SGCD: variants seen among roughly 807,000 people sequenced by gnomAD.
SGCD encodes delta-sarcoglycan.
SGCD carries 18 observed loss-of-function variants against 36.6 expected under a neutral mutation model. The ratio of observed to expected loss-of-function variants is 0.49; its 90% CI spans 0.34 to 0.73. The LOEUF (loss-of-function observed/expected upper bound fraction) is 0.73. Ranked by LOEUF, SGCD falls within the 30% of genes least tolerant of loss-of-function variation. The pLI is 0.01. For missense variants in SGCD, 387 were observed against 346.7 expected (o/e 1.12, Z -0.92); for synonymous variants, 133 against 130.6 (o/e 1.02, Z -0.12).
intron 3 of SGCD, among the ~76,000 whole-genome samples, chr5:156,468,770 T>A (rs530839287): frequency 5.9e-5 from 9 of 152,256 alleles, no homozygotes; most frequent in Admixed American, 5.9e-4. Flanking sequence ...GATGGGTGGA[T>A]CACTTGAGGT....
intron 3 of SGCD, among the ~76,000 whole-genome samples, chr5:156,467,507 T>A (rs759533783): frequency 5.9e-5 from 9 of 152,178 alleles, no homozygotes; most frequent in Non-Finnish European, 2.9e-5. Context: ...AAAGCACTAA[T>A]AAATGCAAAC....
At chr5:155,876,404 G>A (rs1755768729) in intron 1 of SGCD, among the ~76,000 whole-genome samples, 1 of 151,808 alleles carries the variant, frequency 6.6e-6, no homozygotes, top group South Asian at 2.1e-4. Context: ...AAAAATAAAT[G>A]CAAAACACAT....
intron 3 of SGCD, among the ~76,000 whole-genome samples, chr5:156,426,845 T>A (rs1312036866): frequency 6.6e-6 from 1 of 152,120 alleles, no homozygotes; most frequent in African/African-American, 2.4e-5. Context: ...TGAAAATCAG[T>A]TGACTGTAAG....
intron 3 of SGCD, among the ~76,000 whole-genome samples, chr5:156,279,624 G>C (rs1348073995): frequency 6.6e-6 from 1 of 152,112 alleles, no homozygotes; most frequent in Non-Finnish European, 1.5e-5. Flanking sequence ...TTTTTTGGGG[G>C]AACAGTGGGT....
In SGCD at chr5:156,709,846, C is replaced by T. The variant is rs556108320; in HGVS notation, c.576-47735C>T. Among the ~76,000 whole-genome samples, 284 of 149,524 alleles carry T rather than the reference C, an allele frequency of 1.9e-3. 2 individuals carry two copies. The highest frequency in any genetic ancestry group is 6.5e-3 in the African/African-American group (262 of 40,458). On this transcript the variant is annotated intron_variant, in intron 7 of 8. Coordinates refer to ENST00000337851, the MANE Select transcript of SGCD (RefSeq NM_000337.6). The stretch of plus-strand genomic sequence containing the variant: ...CCTGCCGCCCCCTCCCCCCCGACGC[C>T]GCCACCCTCCCGCCCCCTACTCTGG...
At chr5:156,068,585 G>C (rs1350655573) in intron 1 of SGCD, among the ~76,000 whole-genome samples, 1 of 151,818 alleles carries the variant, frequency 6.6e-6, no homozygotes, top group Non-Finnish European at 1.5e-5. Flanking sequence ...GTATACATAT[G>C]TGTGCATGTG....
intron 3 of SGCD, among the ~76,000 whole-genome samples, chr5:156,245,377 G>A (rs1017923677): frequency 2.6e-5 from 4 of 152,188 alleles, no homozygotes; most frequent in East Asian, 1.9e-4. Context: ...AATGATGAAC[G>A]ATAGAATTTG....
the SGCD span, among the ~76,000 whole-genome samples, chr5:155,811,228 A>G: frequency 6.6e-6 from 1 of 151,994 alleles, no homozygotes; most frequent in African/African-American, 2.4e-5. Flanking sequence ...TTGTCACCCA[A>G]CTGATACTGG....
chr5:156,148,253 A>G (rs1010140488), intron 3 of SGCD, among the ~76,000 whole-genome samples: 3 of 152,214 alleles, frequency 2.0e-5, no homozygotes, highest in Non-Finnish European at 4.4e-5. Flanking sequence ...CAATAGATAT[A>G]TTACCCAAAT....
chr5:155,875,185 T>C (rs1455231664), intron 1 of SGCD, among the ~76,000 whole-genome samples: 1 of 152,156 alleles, frequency 6.6e-6, no homozygotes, highest in Admixed American at 6.6e-5. Flanking sequence ...CCCATTTATA[T>C]AGAATCTCAG....
chr5:156,490,290 A>G (rs1755877639), intron 3 of SGCD, among the ~76,000 whole-genome samples: 1 of 152,072 alleles, frequency 6.6e-6, no homozygotes, highest in Admixed American at 6.6e-5. Flanking sequence ...ACAAAGAACT[A>G]ACACTAATTC....
chr5:155,806,919 A>T, the SGCD span, among the ~76,000 whole-genome samples: 1 of 152,228 alleles, frequency 6.6e-6, no homozygotes, highest in East Asian at 1.9e-4. Context: ...AGTTGAAGTT[A>T]TTAATATTCA....
intron 3 of SGCD, among the ~76,000 whole-genome samples, chr5:156,373,432 C>T (rs1482074769): frequency 3.3e-5 from 5 of 152,282 alleles, no homozygotes; most frequent in African/African-American, 1.2e-4. Context: ...TGCAATGAGA[C>T]CGCCCAAGGC....
intron 1 of SGCD, among the ~76,000 whole-genome samples, chr5:156,028,311 G>A (rs562331281): frequency 1.3e-5 from 2 of 151,980 alleles, no homozygotes; most frequent in Non-Finnish European, 2.9e-5. Flanking sequence ...GTTTTCTTAT[G>A]GTTTACCTTT....
chr5:155,936,756 G>A (rs771690091), intron 1 of SGCD, among the ~76,000 whole-genome samples: 16 of 152,202 alleles, frequency 1.1e-4, no homozygotes, highest in African/African-American at 3.1e-4. Context: ...TTACCCAGGA[G>A]CCTGTCTGCC....
intron 1 of SGCD, among the ~76,000 whole-genome samples, chr5:155,974,720 C>A (rs1758075184): frequency 6.6e-6 from 1 of 152,002 alleles, no homozygotes; most frequent in Non-Finnish European, 1.5e-5. Context: ...TTATTTGCAC[C>A]ATTCCCTTAA....
chr5:155,932,746 T>C (rs1258604544), intron 1 of SGCD, among the ~76,000 whole-genome samples: 1 of 152,212 alleles, frequency 6.6e-6, no homozygotes, highest in Non-Finnish European at 1.5e-5. Flanking sequence ...TATCTCTTTG[T>C]ATTTAATGAA....
At chr5:155,843,252 A>G in the SGCD span, among the ~76,000 whole-genome samples, 1 of 152,218 alleles carries the variant, frequency 6.6e-6, no homozygotes, top group Non-Finnish European at 1.5e-5. Context: ...TTGTTCATTA[A>G]TGGGTTGAGG....
intron 3 of SGCD, among the ~76,000 whole-genome samples, chr5:156,165,616 G>T (rs1032124748): frequency 3.3e-5 from 5 of 152,170 alleles, no homozygotes; most frequent in African/African-American, 1.2e-4. Flanking sequence ...ACCTGCAGAT[G>T]GATGAACTTG....
Sources: gnomAD v4.1 joint callset for allele counts (sites outside exome capture counted in the v4.1 genomes callset) on GRCh38, gnomAD v4.1.1 for gene constraint, MANE v1.5 for transcripts, NCBI Gene and HGNC (gene_info 2026-07-23, HGNC 2026-07-21) for gene names.